Variants in SERINC5 observed in about 807,000 individuals in gnomAD.
SERINC5 encodes the protein chromosome 5 open reading frame 12.
SERINC5 carries 41 observed loss-of-function variants against 63.1 expected under a neutral mutation model. The ratio of observed to expected loss-of-function variants is 0.65; its 90% CI spans 0.51 to 0.84. The LOEUF (loss-of-function observed/expected upper bound fraction) is 0.84. Ranked by LOEUF, SERINC5 falls within the 40% of genes least tolerant of loss-of-function variation. SERINC5 has a pLI of 0.00. For missense variants in SERINC5, 523 were observed against 573.0 expected (o/e 0.91, Z 0.89); for synonymous variants, 222 against 215.2 (o/e 1.03, Z -0.28).
downstream of SERINC5, among the ~76,000 whole-genome samples, chr5:80,137,642 C>CAAAAAAAAAAAAA (rs57807742): frequency 6.6e-4 from 69 of 104,740 alleles, 1 homozygote; most frequent in African/African-American, 7.3e-4. Flanking sequence ...GACTCTAACT[C>CAAAAAAAAAAAAA]AAAAAAAAAA....
intron 2 of SERINC5, 81 bp from the exon 3 acceptor site, chr5:80,178,145 C>G (rs1580119524): frequency 3.8e-6 from 3 of 781,816 alleles, no homozygotes; most frequent in Non-Finnish European, 6.1e-6. Flanking sequence ...CAGCCAACCA[C>G]AACATCCACT....
At chr5:80,221,751 T>C (rs958153753) in intron 1 of SERINC5, among the ~76,000 whole-genome samples, 8 of 149,238 alleles carry the variant, frequency 5.4e-5, no homozygotes, top group African/African-American at 1.7e-4. Context: ...GTCTGTAAAA[T>C]GCACTCCATT....
In SERINC5 at chr5:80,142,568, A is replaced by C; in HGVS notation, c.*1095T>G. On this transcript the variant is annotated 3_prime_UTR_variant, in exon 12 of 12. Coordinates refer to ENST00000507668, the MANE Select transcript of SERINC5 (RefSeq NM_001174072.3). ...TCTGGTCAGTGTGTCTGAGATCCTC[A>C]CCTCAGAAATTCTCACATTAGCAAA... 1 of 985,374 alleles carries C rather than the reference A, an allele frequency of 1.0e-6. No homozygotes were observed. Among genetic ancestry groups the C allele is most frequent in the Non-Finnish European group, 1.2e-6 (1 of 829,934 alleles). 61.0% of individuals were successfully genotyped at this position (985,374 alleles called of 1,614,324 possible).
intron 8 of SERINC5, among the ~76,000 whole-genome samples, chr5:80,153,407 A>G (rs375317049): frequency 1.3e-5 from 2 of 152,098 alleles, no homozygotes; most frequent in South Asian, 2.1e-4. Context: ...GCAGGAAAAA[A>G]AAAAAGATCT....
At chr5:80,195,562 G>A (rs987933831) in intron 2 of SERINC5, among the ~76,000 whole-genome samples, 1 of 151,890 alleles carries the variant, frequency 6.6e-6, no homozygotes, top group Non-Finnish European at 1.5e-5. Flanking sequence ...AGGCATTTTT[G>A]GATCCCTGGA....
chr5:80,164,179 T>C (rs1747119539), intron 7 of SERINC5, among the ~76,000 whole-genome samples: 1 of 152,158 alleles, frequency 6.6e-6, no homozygotes, highest in Admixed American at 6.6e-5. Flanking sequence ...TGTACTTTTG[T>C]GGTTATTATT....
At chr5:80,222,553 A>AGTACGTGAGTGT (rs550308144) in intron 1 of SERINC5, among the ~76,000 whole-genome samples, 6 of 139,012 alleles carry the variant, frequency 4.3e-5, no homozygotes, top group African/African-American at 1.5e-4. Flanking sequence ...TTTGTGGGTG[A>AGTACGTGAGTGT]GTGTGTGAGT....
exon 13 of SERINC5, chr5:80,111,683 A>G (rs1561342052): frequency 6.6e-6 from 1 of 151,062 alleles, no homozygotes; most frequent in Non-Finnish European, 1.5e-5. Flanking sequence ...AGCCAAATGG[A>G]GTCCGTTCAG....
At chr5:80,111,861 C>G (rs2112212238) in intron 12 of SERINC5, among the ~76,000 whole-genome samples, 1 of 152,356 alleles carries the variant, frequency 6.6e-6, no homozygotes, top group Non-Finnish European at 1.5e-5. Flanking sequence ...CTTGTGCTCA[C>G]AGAAACATGT....
chr5:80,184,866 G>T (rs537772542), intron 2 of SERINC5, among the ~76,000 whole-genome samples: 1 of 152,082 alleles, frequency 6.6e-6, no homozygotes, highest in African/African-American at 2.4e-5. Context: ...CTTAAGCCAG[G>T]CTCACACACT....
intron 12 of SERINC5, among the ~76,000 whole-genome samples, chr5:80,112,940 G>T (rs1744178423): frequency 1.3e-5 from 2 of 152,104 alleles, no homozygotes; most frequent in South Asian, 4.1e-4. Context: ...CTCCAGCCTG[G>T]ACAATAAAGT....
intron 1 of SERINC5, among the ~76,000 whole-genome samples, chr5:80,244,764 G>A (rs1383305817): frequency 6.6e-6 from 1 of 152,156 alleles, no homozygotes; most frequent in Non-Finnish European, 1.5e-5. Context: ...AGAGGTTGCA[G>A]TGAGCTGAGA....
chr5:80,211,227 G>A (rs781658462), intron 1 of SERINC5, among the ~76,000 whole-genome samples: 1 of 152,180 alleles, frequency 6.6e-6, no homozygotes, highest in East Asian at 1.9e-4. Context: ...AATGGCAAAT[G>A]TAAGAAGCCA....
intron 1 of SERINC5, among the ~76,000 whole-genome samples, chr5:80,250,270 T>C (rs1057376372): frequency 2.3e-4 from 35 of 152,198 alleles, no homozygotes; most frequent in Non-Finnish European, 4.4e-4. Context: ...GAAACATTAA[T>C]TGAGCTGGGA....
chr5:80,256,048 A>T lies in SERINC5; in HGVS notation c.-126T>A, dbSNP rs1966470. 4.8e-6 allele frequency: 5 copies of T among 1,048,760 alleles called. No individual in the cohort carries two copies. The highest frequency in any genetic ancestry group is 6.4e-6 in the Non-Finnish European group (5 of 776,570). 65.0% of individuals were successfully genotyped at this position (1,048,760 alleles called of 1,614,324 possible). A position where few individuals can be genotyped will look rare whatever the true frequency, so the allele number is the denominator to read the frequency against. On this transcript the variant is annotated 5_prime_UTR_variant, in exon 1 of 12. Transcript: ENST00000507668. ...ACTTGAACGAAGATCAGCCTCGGCG[A>T]AGCGCCTAGGCGCCGAGGCCTGGGT...
chr5:80,227,827 C>A lies in SERINC5; in HGVS notation c.28-24774G>T, dbSNP rs184286710. Among the ~76,000 whole-genome samples, 62 of 151,926 alleles carry A rather than the reference C, an allele frequency of 4.1e-4. No individual in the cohort carries two copies. The East Asian group carries it at 0.011, about 27-fold the overall frequency. On this transcript the variant is annotated intron_variant, in intron 1 of 11. Coordinates refer to ENST00000507668, the MANE Select transcript of SERINC5 (RefSeq NM_001174072.3). ...TAGTGCCACTGCACTCCAACCTGGA[C>A]GACAGAGTGAGACCCTGACTTACAA...
At chr5:80,194,432 A>G (rs1178800483) in intron 2 of SERINC5, among the ~76,000 whole-genome samples, 1 of 152,248 alleles carries the variant, frequency 6.6e-6, no homozygotes, top group African/African-American at 2.4e-5. Flanking sequence ...CAAACTGCAC[A>G]GTATTTTGGA....
At chr5:80,163,731 T>C (rs1747092633) in intron 7 of SERINC5, among the ~76,000 whole-genome samples, 1 of 152,224 alleles carries the variant, frequency 6.6e-6, no homozygotes, top group African/African-American at 2.4e-5. Context: ...CACTTGATCA[T>C]GGTATATTAT....
chr5:80,233,181 T>C (rs1751529811), intron 1 of SERINC5, among the ~76,000 whole-genome samples: 1 of 152,206 alleles, frequency 6.6e-6, no homozygotes, highest in Non-Finnish European at 1.5e-5. Context: ...ATCCCAGCAC[T>C]TTGGGAGGCC....
Sources: gnomAD v4.1 joint callset for allele counts (sites outside exome capture counted in the v4.1 genomes callset) on GRCh38, gnomAD v4.1.1 for gene constraint, MANE v1.5 for transcripts, NCBI Gene and HGNC (gene_info 2026-07-23, HGNC 2026-07-21) for gene names.